DLGAP2: variants seen among roughly 807,000 people sequenced by gnomAD.
DLGAP2 encodes the protein DLG associated protein 2, also known as disks large-associated protein 2.
DLGAP2 carries 26 observed loss-of-function variants against 100.3 expected under a neutral mutation model. That is an observed-to-expected ratio of 0.26 (90% CI 0.19 to 0.36). DLGAP2 has a LOEUF of 0.36. Ranked by LOEUF, DLGAP2 falls within the 10% of genes least tolerant of loss-of-function variation. The pLI, the probability that DLGAP2 is intolerant of heterozygous loss-of-function variation, is 1.00. For synonymous variants in DLGAP2, 886 were observed against 630.1 expected (o/e 1.41, Z -6.08); for missense variants, 1,858 against 1,453.2 (o/e 1.28, Z -4.53).
intron 6 of DLGAP2, among the ~76,000 whole-genome samples, chr8:1,567,867 A>G (rs1802465355): frequency 6.6e-6 from 1 of 152,222 alleles, no homozygotes. Context: ...ACCCTCTGGG[A>G]GTTCACTCAC....
rs918114796 is a variant in DLGAP2 at position 1,549,101 on chromosome 8, C to A, written c.648C>A (p.Ser216=). The change falls in exon 5 of 15, where the codon TCC becomes TCA. Residue 216 remains serine, a synonymous_variant. Transcript: ENST00000637795. ...GFHTLQYQRT[S]AAAEQRSESP... ...ACACGCTGCAGTACCAGAGGACGTC[C>A]GCGGCCGCCGAGCAGCGCAGCGAGA... is the stretch of plus-strand genomic sequence containing the variant. 6 of 1,582,556 alleles carry A rather than the reference C, an allele frequency of 3.8e-6. No homozygotes were observed. The highest frequency in any genetic ancestry group is 5.1e-6 in the Non-Finnish European group (6 of 1,167,668).
At chr8:1,417,193 G>A (rs1384245431) in intron 3 of DLGAP2, among the ~76,000 whole-genome samples, 4 of 149,136 alleles carry the variant, frequency 2.7e-5, no homozygotes, top group Non-Finnish European at 4.5e-5. Context: ...TGTCTGAGGC[G>A]GGGGAGACTC....
intron 2 of DLGAP2, chr8:1,250,303 T>A (rs1799009806): frequency 6.6e-6 from 1 of 152,196 alleles, no homozygotes; most frequent in East Asian, 1.9e-4. Context: ...TCACAGTTTG[T>A]CTCCAGAGCA....
intron 8 of DLGAP2, among the ~76,000 whole-genome samples, chr8:1,640,272 A>T (rs1416749013): frequency 6.6e-6 from 1 of 152,004 alleles, no homozygotes; most frequent in Non-Finnish European, 1.5e-5. Context: ...CTCAGAGTTC[A>T]CCCTGGGAAG....
Position 1,548,914 on chromosome 8 carries a change from A to G in DLGAP2, c.461A>G (p.Asp154Gly). Residue 154 changes from aspartate (D) to glycine (G), a missense_variant, in exon 5 of 15, where the codon GAC becomes GGC. By Grantham distance (94) the Asp-to-Gly change is moderately conservative. Transcript: ENST00000637795. ...ECVMMPVVLG[D>G]HVSSSTFPRM... ...GTGATGATGCCGGTGGTGCTGGGCGACCACGTGTCCAGCAGCACCTTCCCG... is the reference window on the plus strand; with the variant it reads ...GTGATGATGCCGGTGGTGCTGGGCGGCCACGTGTCCAGCAGCACCTTCCCG... 1 of 1,597,942 alleles carries G rather than the reference A, an allele frequency of 6.3e-7. No individual in the cohort carries two copies. The highest frequency in any genetic ancestry group is 8.5e-7 in the Non-Finnish European group (1 of 1,178,954).
chr8:791,314 A>C (rs1170349648), intron 1 of DLGAP2, among the ~76,000 whole-genome samples: 1 of 152,132 alleles, frequency 6.6e-6, no homozygotes, highest in Non-Finnish European at 1.5e-5. Flanking sequence ...GGCTCCCTCC[A>C]CAGAGAAGCC....
chr8:1,356,223 C>A (rs1467066750), intron 3 of DLGAP2, among the ~76,000 whole-genome samples: 1 of 152,148 alleles, frequency 6.6e-6, no homozygotes, highest in Non-Finnish European at 1.5e-5. Flanking sequence ...AGGTTTTGCT[C>A]AGGGACATGG....
At chr8:1,293,090 G>T (rs1800096893) in intron 3 of DLGAP2, among the ~76,000 whole-genome samples, 1 of 152,168 alleles carries the variant, frequency 6.6e-6, no homozygotes. Flanking sequence ...GGGGGAGAAA[G>T]GGGTACTCAT....
At chr8:748,182 G>C (rs1176861390) in intron 1 of DLGAP2, among the ~76,000 whole-genome samples, 92 of 41,460 alleles carry the variant, frequency 2.2e-3, no homozygotes, top group Middle Eastern at 0.015. Context: ...GGATGGGCGG[G>C]TCTGCGGTGG....
chr8:949,059 C>T (rs1484527753), intron 2 of DLGAP2, among the ~76,000 whole-genome samples: 1 of 152,082 alleles, frequency 6.6e-6, no homozygotes, highest in East Asian at 1.9e-4. Context: ...GAGCAGGGCC[C>T]GTGGGCGTGA....
intron 3 of DLGAP2, among the ~76,000 whole-genome samples, chr8:1,478,490 C>T (rs576568479): frequency 6.6e-6 from 1 of 152,384 alleles, no homozygotes; most frequent in Non-Finnish European, 1.5e-5. Context: ...ATTCTGGCCA[C>T]TCTTGCTCCA....
chr8:1,386,839 A>C (rs1796232158), intron 3 of DLGAP2, among the ~76,000 whole-genome samples: 1 of 152,182 alleles, frequency 6.6e-6, no homozygotes, highest in Non-Finnish European at 1.5e-5. Flanking sequence ...GATGGAAAAA[A>C]AATGCTATGA....
chr8:765,035 TTTGAA>T (rs1446159996), intron 1 of DLGAP2, among the ~76,000 whole-genome samples: 1 of 152,174 alleles, frequency 6.6e-6, no homozygotes, highest in East Asian at 1.9e-4. Flanking sequence ...TATTGAAAAG[TTTGAA>T]TTGGCATTTA....
intron 1 of DLGAP2, among the ~76,000 whole-genome samples, chr8:792,223 TC>T (rs1322381823): frequency 6.6e-6 from 1 of 152,260 alleles, no homozygotes; most frequent in Non-Finnish European, 1.5e-5. Flanking sequence ...AAATCACCTT[TC>T]CATATTCTTT....
At chr8:1,097,684 TG>T in intron 2 of DLGAP2, among the ~76,000 whole-genome samples, 1 of 136,472 alleles carries the variant, frequency 7.3e-6, no homozygotes, top group African/African-American at 2.9e-5. Context: ...CTCTGTGGCA[TG>T]GAGAGGTCTC....
At chr8:1,451,349 A>C (rs1449292930) in intron 3 of DLGAP2, among the ~76,000 whole-genome samples, 1 of 152,074 alleles carries the variant, frequency 6.6e-6, no homozygotes, top group Non-Finnish European at 1.5e-5. Flanking sequence ...TCCCTGTCCA[A>C]GTGCCTCCAG....
chr8:1,057,016 A>G (rs1174805843), intron 2 of DLGAP2, among the ~76,000 whole-genome samples: 10 of 152,096 alleles, frequency 6.6e-5, no homozygotes, highest in Non-Finnish European at 1.5e-4. Flanking sequence ...AACCCCAAGA[A>G]CTCATGGACC....
intron 3 of DLGAP2, among the ~76,000 whole-genome samples, chr8:1,351,850 G>T (rs1382940587): frequency 2.1e-5 from 2 of 93,820 alleles, no homozygotes; most frequent in Admixed American, 1.1e-4. Flanking sequence ...TCCTGAGTGT[G>T]CGTGGAAAGG....
intron 1 of DLGAP2, among the ~76,000 whole-genome samples, chr8:752,856 C>T (rs1202267131): frequency 6.6e-6 from 1 of 152,156 alleles, no homozygotes; most frequent in Admixed American, 6.5e-5. Flanking sequence ...ACTCCTGCCC[C>T]TCCAAGAAGG....
Sources: allele counts gnomAD v4.1 joint callset (sites outside exome capture counted in the v4.1 genomes callset), GRCh38; gene constraint gnomAD v4.1.1; transcripts MANE v1.5; gene names NCBI Gene and HGNC (gene_info 2026-07-23, HGNC 2026-07-21).